The following DNAH5 variants were observed in gnomAD, a reference collection of about 807,000 sequenced individuals.
DNAH5 encodes the protein axonemal beta dynein heavy chain 5.
In DNAH5, 372 loss-of-function variants were observed where a neutral mutation model predicts 518.2. The observed-to-expected ratio is 0.72, with a 90% confidence interval of 0.66 to 0.78. The LOEUF is 0.78. DNAH5 is among the 30% of genes least tolerant of loss of function. The pLI is 0.00. For synonymous variants in DNAH5, 2,039 were observed against 2,025.9 expected, an observed-to-expected ratio of 1.01 and a Z score of -0.17; for missense variants, 5,523 against 5,687.0, an observed-to-expected ratio of 0.97 and a Z score of 0.93.
At chr5:13,933,018 C>G (rs1272591526) in intron 1 of DNAH5, among the ~76,000 whole-genome samples, 3 of 152,176 alleles carry the variant, frequency 2.0e-5, no homozygotes, top group Non-Finnish European at 4.4e-5. Flanking sequence ...TTTAGCAGCG[C>G]CTTTGGTCTC....
At chr5:13,778,574 G>GAAAGAA (rs1754520084) in intron 53 of DNAH5, among the ~76,000 whole-genome samples, 1 of 73,072 alleles carries the variant, frequency 1.4e-5, no homozygotes, top group African/African-American at 5.3e-5. Flanking sequence ...AAGAAAGAAA[G>GAAAGAA]AAAGAAAGAA....
chr5:13,799,432 C>T (rs1470949247), intron 47 of DNAH5, among the ~76,000 whole-genome samples: 1 of 102,036 alleles, frequency 9.8e-6, no homozygotes, highest in African/African-American at 3.4e-5. Context: ...TAGCCACACA[C>T]CTATATTTTC....
intron 1 of DNAH5, among the ~76,000 whole-genome samples, chr5:13,936,631 A>G (rs1778947876): frequency 6.6e-6 from 1 of 152,238 alleles, no homozygotes; most frequent in South Asian, 2.1e-4. Context: ...GTTAAATTGC[A>G]TGCAGTTTGG....
chr5:13,745,848 T>C (rs1311507537), intron 65 of DNAH5, among the ~76,000 whole-genome samples: 1 of 152,102 alleles, frequency 6.6e-6, no homozygotes, highest in Non-Finnish European at 1.5e-5. Flanking sequence ...AAATTTCAAA[T>C]TGATATTTTA....
intron 1 of DNAH5, among the ~76,000 whole-genome samples, chr5:13,963,773 G>T (rs1237347980): frequency 6.6e-6 from 1 of 151,980 alleles, no homozygotes; most frequent in Non-Finnish European, 1.5e-5. Flanking sequence ...ACTACAGCCT[G>T]GAACTCCTGG....
At chr5:13,990,879 G>GAAAAGAA (rs1655630085) in intron 1 of DNAH5, among the ~76,000 whole-genome samples, 2 of 152,082 alleles carry the variant, frequency 1.3e-5, no homozygotes, top group African/African-American at 4.8e-5. Context: ...AAAAAAGAAG[G>GAAAAGAA]AAAAGAAAAA....
chr5:13,948,697 G>A (rs1282598922), upstream of DNAH5, among the ~76,000 whole-genome samples: 1 of 152,176 alleles, frequency 6.6e-6, no homozygotes, highest in Admixed American at 6.5e-5. Context: ...ATCTAAGGTA[G>A]TGGGCCTTGC....
rs1226712032 is a variant in DNAH5 at position 13,891,064 on chromosome 5, G to C, written c.2489C>G (p.Ala830Gly). The change falls in exon 17 of 79, where the codon GCC becomes GGC. Residue 830 changes from alanine (A) to glycine (G), a missense_variant. Ala to Gly is a moderately conservative substitution (Grantham distance 60). This residue lies in a region of DNAH5 where 5,121 missense variants were observed against 5,223.3 expected (regional missense o/e 0.98). Coordinates refer to ENST00000265104, the MANE Select transcript of DNAH5 (RefSeq NM_001369.3). ...VNDLIEFRIDAILEEMSSTPL... is the reference protein window; with the variant it reads ...VNDLIEFRIDGILEEMSSTPL... ...CGTGCTGCTCATTTCTTCTAGAATGGCATCAATGCGGAACTCAATCAAATC... is the reference window on the plus strand; with the variant it reads ...CGTGCTGCTCATTTCTTCTAGAATGCCATCAATGCGGAACTCAATCAAATC... 1.2e-6 allele frequency: 2 copies of C among 1,614,056 alleles called. No individual in the cohort carries two copies. Among genetic ancestry groups the C allele is most frequent in the Non-Finnish European group, 8.5e-7 (1 of 1,179,972 alleles).
chr5:13,818,659 T>C (rs1761804189), intron 41 of DNAH5, among the ~76,000 whole-genome samples: 1 of 152,232 alleles, frequency 6.6e-6, no homozygotes, highest in Non-Finnish European at 1.5e-5. Flanking sequence ...CCTCTACTCA[T>C]GGGATACTTG....
chr5:13,967,541 A>G (rs563418995), intron 1 of DNAH5, among the ~76,000 whole-genome samples: 10 of 152,084 alleles, frequency 6.6e-5, no homozygotes, highest in Non-Finnish European at 1.5e-4. Context: ...CTATGTGCCT[A>G]TTTTTACACC....
intron 17 of DNAH5, among the ~76,000 whole-genome samples, chr5:13,888,337 C>T (rs970145497): frequency 5.3e-5 from 8 of 152,180 alleles, no homozygotes; most frequent in Non-Finnish European, 1.0e-4. Flanking sequence ...CAACATGCTT[C>T]CACCTCAGGG....
At chr5:13,814,041 A>G (rs934553135) in intron 43 of DNAH5, among the ~76,000 whole-genome samples, 1 of 152,186 alleles carries the variant, frequency 6.6e-6, no homozygotes, top group Non-Finnish European at 1.5e-5. Flanking sequence ...TTTATTTATA[A>G]TATAATTTTG....
At chr5:13,734,211 A>G (rs1422002572) in intron 68 of DNAH5, among the ~76,000 whole-genome samples, 1 of 152,198 alleles carries the variant, frequency 6.6e-6, no homozygotes, top group Non-Finnish European at 1.5e-5. Context: ...ACAGTTGTCT[A>G]CAACCCAGAA....
intron 32 of DNAH5, among the ~76,000 whole-genome samples, chr5:13,842,422 GAAAA>G (rs1580528949): frequency 8.0e-5 from 2 of 25,086 alleles, no homozygotes; most frequent in African/African-American, 1.8e-4. Context: ...GAAAAGAAAA[GAAAA>G]GAAAGAAAGA....
chr5:13,808,246 A>AAAAAAAAAAAAAG (rs1377994954), intron 46 of DNAH5, among the ~76,000 whole-genome samples: 48 of 143,666 alleles, frequency 3.3e-4, no homozygotes, highest in African/African-American at 1.1e-3. Flanking sequence ...AAAAAAAAAA[A>AAAAAAAAAAAAAG]AAGAGGAAAT....
Position 13,928,163 on chromosome 5 carries a change from G to C in DNAH5, c.208C>G (p.Gln70Glu). The change falls in exon 3 of 79, where the codon CAA (glutamine) becomes GAA (glutamate). Residue 70 changes from glutamine (Q) to glutamate (E), a missense_variant. Physicochemically the swap from Gln to Glu is conservative, Grantham distance 29. Coordinates refer to ENST00000265104, the MANE Select transcript of DNAH5 (RefSeq NM_001369.3). ...LEGNQIERID[Q>E]LFAVGGLRHL... ...CGGAGACCTCCAACAGCAAAAAGTT[G>C]ATCAATTCTTTCAATCTGGGAAAAA... 1 of 1,613,370 alleles carries C rather than the reference G, an allele frequency of 6.2e-7. No individual in the cohort carries two copies. Among genetic ancestry groups the C allele is most frequent in the Non-Finnish European group, 8.5e-7 (1 of 1,179,486 alleles).
rs767607164 is a variant in DNAH5 at position 13,786,267 on chromosome 5, T to C, written c.8732A>G (p.Asn2911Ser). 5 of 1,614,094 alleles carry C rather than the reference T, an allele frequency of 3.1e-6. No individual in the cohort carries two copies. The East Asian group carries it at 8.9e-5, about 29-fold the overall frequency. ...CTCATTATAGAGCTGCAGGAACATA[T>C]TCAGACGCTCTTTTAGGTGACTAAA... Reference protein sequence around the residue: ...ESFSHLKERLNMFLQLYNESI... With the variant: ...ESFSHLKERLSMFLQLYNESI... The change falls in exon 52 of 79, where the codon AAT becomes AGT. Residue 2911 changes from asparagine (N) to serine (S), a missense_variant. Asn to Ser is a conservative substitution (Grantham distance 46). Coordinates refer to ENST00000265104, the MANE Select transcript of DNAH5 (RefSeq NM_001369.3).
chr5:13,777,366 A>G lies in DNAH5; in HGVS notation c.8952-11T>C. On this transcript the variant is annotated splice_polypyrimidine_tract_variant and intron_variant, in intron 53 of 78. Transcript: ENST00000265104. ...GATGTGTTGTAGGATCTAAAGAAAT[A>G]TTTTCATTTTGTCATTAGCTAAAAT... The G allele has an allele frequency of 6.2e-7, 1 of 1,611,590 alleles. No homozygotes were observed. Among genetic ancestry groups the G allele is most frequent in the Non-Finnish European group, 8.5e-7 (1 of 1,178,384 alleles).
intron 38 of DNAH5, among the ~76,000 whole-genome samples, chr5:13,825,665 C>T (rs1762799274): frequency 1.3e-5 from 2 of 152,026 alleles, no homozygotes; most frequent in Non-Finnish European, 1.5e-5. Flanking sequence ...TAGTCAAATT[C>T]ATAGAAACAG....
Sources: allele counts gnomAD v4.1 joint callset (sites outside exome capture counted in the v4.1 genomes callset), GRCh38; gene constraint gnomAD v4.1.1; regional missense constraint gnomAD v4.1.1; transcripts MANE v1.5; gene names NCBI Gene and HGNC (gene_info 2026-07-23, HGNC 2026-07-21).